Variants in TUSC3 observed in about 807,000 individuals in gnomAD.
TUSC3 encodes dolichyl-diphosphooligosaccharide--protein glycosyltransferase subunit TUSC3.
A neutral mutation model predicts 44.8 loss-of-function variants in TUSC3; 45 were observed. The ratio of observed to expected loss-of-function variants is 1.00; its 90% CI spans 0.79 to 1.29. TUSC3 has a LOEUF of 1.29. Among genes scored for constraint, TUSC3 ranks in the 50% most tolerant of loss-of-function variants. The pLI, the probability that TUSC3 is intolerant of heterozygous loss-of-function variation, is 0.00. For missense variants in TUSC3, 519 were observed against 437.9 expected (o/e 1.19, Z -1.65); for synonymous variants, 212 against 152.9 (o/e 1.39, Z -2.85).
chr8:15,429,478 T>C (rs1799845503), intron 1 of TUSC3, among the ~76,000 whole-genome samples: 1 of 150,782 alleles, frequency 6.6e-6, no homozygotes, highest in African/African-American at 2.5e-5. Context: ...CATATGAACT[T>C]CAAAGTAGTT....
intron 2 of TUSC3, among the ~76,000 whole-genome samples, chr8:15,629,098 A>T (rs1805642910): frequency 2.0e-5 from 3 of 152,178 alleles, no homozygotes; most frequent in Non-Finnish European, 4.4e-5. Context: ...CTGAAGTGTG[A>T]TATACATGAT....
At chr8:15,458,784 A>T (rs1349531846) in intron 1 of TUSC3, among the ~76,000 whole-genome samples, 2 of 152,210 alleles carry the variant, frequency 1.3e-5, no homozygotes, top group Non-Finnish European at 2.9e-5. Flanking sequence ...ACTAGGGAAG[A>T]ACCATCAGTT....
chr8:15,437,145 A>T (rs28706053), intron 1 of TUSC3, among the ~76,000 whole-genome samples: 1 of 152,186 alleles, frequency 6.6e-6, no homozygotes, highest in African/African-American at 2.4e-5. Context: ...CCCCTAAAAT[A>T]TAACTAATCA....
chr8:15,463,867 C>T (rs910173431), intron 1 of TUSC3, among the ~76,000 whole-genome samples: 3 of 152,182 alleles, frequency 2.0e-5, no homozygotes, highest in Non-Finnish European at 4.4e-5. Context: ...CTTTCCAAAA[C>T]CATACATATA....
intron 1 of TUSC3, among the ~76,000 whole-genome samples, chr8:15,603,777 T>G (rs1350009847): frequency 7.6e-6 from 1 of 131,358 alleles, no homozygotes; most frequent in Non-Finnish European, 1.7e-5. Flanking sequence ...TCACAGGGAC[T>G]GCTAATTCTA....
chr8:15,517,157 G>A (rs1363907456), intron 2 of TUSC3, among the ~76,000 whole-genome samples: 3 of 152,122 alleles, frequency 2.0e-5, no homozygotes, highest in Non-Finnish European at 4.4e-5. Context: ...CAATAGCTCA[G>A]TTGTCACTTG....
intron 1 of TUSC3, among the ~76,000 whole-genome samples, chr8:15,608,379 T>C (rs1314182579): frequency 6.6e-6 from 1 of 152,152 alleles, no homozygotes; most frequent in Non-Finnish European, 1.5e-5. Context: ...TTGTTTGTCT[T>C]ATAGGGATAA....
intron 1 of TUSC3, among the ~76,000 whole-genome samples, chr8:15,457,875 G>GATA (rs71211044): frequency 0.82 from 121,031 of 147,498 alleles, 49,728 homozygotes; most frequent in Non-Finnish European, 0.85. Context: ...AAATTAATTA[G>GATA]ATAATTACTA....
chr8:15,667,576 T>C (rs1420628651), intron 5 of TUSC3, among the ~76,000 whole-genome samples: 1 of 151,748 alleles, frequency 6.6e-6, no homozygotes, highest in Non-Finnish European at 1.5e-5. Flanking sequence ...ATATTACATA[T>C]TTTCTGCATA....
chr8:15,656,484 G>C (rs1161721621), intron 3 of TUSC3, among the ~76,000 whole-genome samples: 1 of 152,188 alleles, frequency 6.6e-6, no homozygotes, highest in Non-Finnish European at 1.5e-5. Context: ...AACTGACTGG[G>C]AAAACAGTAT....
intron 1 of TUSC3, among the ~76,000 whole-genome samples, chr8:15,614,901 C>G (rs1431507861): frequency 1.5e-5 from 2 of 133,762 alleles, no homozygotes; most frequent in East Asian, 4.5e-4. Context: ...TGAAAGTATA[C>G]AAGTACAGCT....
intron 1 of TUSC3, among the ~76,000 whole-genome samples, chr8:15,586,914 G>A (rs1305037843): frequency 1.3e-5 from 2 of 152,136 alleles, no homozygotes; most frequent in Non-Finnish European, 1.5e-5. Context: ...TCCTGATTTT[G>A]AAATTCTTAA....
At position 15,650,958 on chromosome 8, in the gene TUSC3, C is replaced by T. The variant is rs1585193998; in HGVS notation, c.426+144C>T. ...TGAGCCGAGATTGTGCCACTGCATTCCAGGTGGAGGACAGAGCAAGACTTT... is the reference window on the plus strand; with the variant it reads ...TGAGCCGAGATTGTGCCACTGCATTTCAGGTGGAGGACAGAGCAAGACTTT... On this transcript the variant is annotated intron_variant, in intron 3 of 10. Transcript: ENST00000503731. 6.9e-6 allele frequency: 5 copies of T among 727,650 alleles called. No homozygotes were observed. The East Asian group carries it at 1.1e-4, about 16-fold the overall frequency. 45.1% of individuals were successfully genotyped at this position (727,650 alleles called of 1,614,324 possible). A position where few individuals can be genotyped will look rare whatever the true frequency, so the allele number is the denominator to read the frequency against.
rs544860945 is a variant in TUSC3 at position 15,729,571 on chromosome 8, A to G, written c.799-1095A>G. 1.1e-4 allele frequency among the ~76,000 whole-genome samples: 17 copies of G among 152,274 alleles called. No homozygotes were observed. The East Asian group carries it at 2.5e-3, about 22-fold the overall frequency. Reference sequence around the variant, plus strand: ...AATGATGTCCTTTGTAGCAACATGAATGCAGCAAGAGGGCATTATCCTAAG... The same window carrying G: ...AATGATGTCCTTTGTAGCAACATGAGTGCAGCAAGAGGGCATTATCCTAAG... On this transcript the variant is annotated intron_variant, in intron 6 of 10. Transcript: ENST00000503731.
intron 2 of TUSC3, among the ~76,000 whole-genome samples, chr8:15,530,377 A>G (rs1313463954): frequency 6.6e-6 from 1 of 152,224 alleles, no homozygotes; most frequent in East Asian, 1.9e-4. Context: ...AAATATTTCT[A>G]GAAAAGCTAC....
At chr8:15,511,138 TG>T (rs1258739399) in intron 2 of TUSC3, among the ~76,000 whole-genome samples, 1 of 152,092 alleles carries the variant, frequency 6.6e-6, no homozygotes, top group African/African-American at 2.4e-5. Context: ...AACTTAATGG[TG>T]AAAACATGAA....
chr8:15,540,631 C>CAGGCAGCCCTGCCGTGTTGCT lies in TUSC3; in HGVS notation c.138+72_138+92dup, dbSNP rs913238178. ...GGCGGGCCAGGGTGGGCCGCGTTGC[C>CAGGCAGCCCTGCCGTGTTGCT]AGGCAGCCCTGCCGTGTTGCTAGGC... On this transcript the variant is annotated intron_variant, in intron 1 of 10. Transcript: ENST00000503731. The CAGGCAGCCCTGCCGTGTTGCT allele has an allele frequency of 1.9e-5, 28 of 1,473,274 alleles. No homozygotes were observed. The East Asian group carries it at 7.3e-4, about 38-fold the overall frequency. The allele number at this position is 1,473,274 out of a possible 1,614,324, so 91.3% of individuals were successfully genotyped here.
chr8:15,692,685 G>T (rs571994372), intron 6 of TUSC3, among the ~76,000 whole-genome samples: 175 of 150,514 alleles, frequency 1.2e-3, no homozygotes, highest in Non-Finnish European at 2.0e-3. Context: ...TATTTCCATG[G>T]AGTCAGTCGT....
chr8:15,842,096 T>C, the TUSC3 span, among the ~76,000 whole-genome samples: 1 of 152,168 alleles, frequency 6.6e-6, no homozygotes, highest in Non-Finnish European at 1.5e-5. Context: ...AATAAAATAA[T>C]CAGTCAACAC....
Sources: gnomAD v4.1 joint callset for allele counts (sites outside exome capture counted in the v4.1 genomes callset) on GRCh38, gnomAD v4.1.1 for gene constraint, MANE v1.5 for transcripts, NCBI Gene and HGNC (gene_info 2026-07-23, HGNC 2026-07-21) for gene names.